PABPC4L: variants seen among roughly 807,000 people sequenced by gnomAD.
PABPC4L encodes polyadenylate-binding protein 4-like.
For synonymous variants in PABPC4L, 169 were observed against 164.1 expected (o/e 1.03, Z -0.23); for missense variants, 452 against 451.4 (o/e 1.00, Z -0.01).
At chr4:134,112,191 T>C in the PABPC4L span, among the ~76,000 whole-genome samples, 6 of 152,060 alleles carry the variant, frequency 3.9e-5, no homozygotes, top group South Asian at 1.2e-3. Flanking sequence ...CAAGTGAGAT[T>C]AGGCTAAAAA....
At chr4:134,063,039 A>G in the PABPC4L span, among the ~76,000 whole-genome samples, 1 of 152,140 alleles carries the variant, frequency 6.6e-6, no homozygotes, top group Non-Finnish European at 1.5e-5. Flanking sequence ...TAGACAAGCC[A>G]GACAAAATAT....
chr4:134,000,285 C>G, the PABPC4L span, among the ~76,000 whole-genome samples: 3 of 151,988 alleles, frequency 2.0e-5, no homozygotes, highest in African/African-American at 7.2e-5. Flanking sequence ...AGCAATGATT[C>G]GTCTAGAAAA....
At chr4:134,030,486 C>A in the PABPC4L span, among the ~76,000 whole-genome samples, 1 of 152,030 alleles carries the variant, frequency 6.6e-6, no homozygotes, top group Non-Finnish European at 1.5e-5. Context: ...GAAGAAATCA[C>A]ATATCAATCC....
At chr4:133,970,211 C>A in the PABPC4L span, among the ~76,000 whole-genome samples, 1 of 151,790 alleles carries the variant, frequency 6.6e-6, no homozygotes, top group Non-Finnish European at 1.5e-5. Flanking sequence ...CCTCCTTCGA[C>A]AAAAGTGACT....
chr4:134,037,420 G>C, the PABPC4L span, among the ~76,000 whole-genome samples: 2 of 152,036 alleles, frequency 1.3e-5, no homozygotes, highest in South Asian at 2.1e-4. Context: ...TTGTAAAAGG[G>C]ATTTATTCTT....
the PABPC4L span, among the ~76,000 whole-genome samples, chr4:134,036,795 C>T: frequency 1.1e-4 from 17 of 152,074 alleles, no homozygotes; most frequent in South Asian, 3.3e-3. Context: ...GTGGCTCATG[C>T]CTGTAATCCT....
At chr4:134,071,271 C>T in the PABPC4L span, among the ~76,000 whole-genome samples, 1 of 152,140 alleles carries the variant, frequency 6.6e-6, no homozygotes, top group Non-Finnish European at 1.5e-5. Flanking sequence ...CATCTGTGTC[C>T]TCCCTCTGTC....
chr4:133,963,074 G>C, the PABPC4L span, among the ~76,000 whole-genome samples: 1 of 152,054 alleles, frequency 6.6e-6, no homozygotes, highest in African/African-American at 2.4e-5. Flanking sequence ...TTCACCAACT[G>C]ACTATCTGCT....
chr4:133,953,596 T>G, the PABPC4L span, among the ~76,000 whole-genome samples: 1 of 152,212 alleles, frequency 6.6e-6, no homozygotes, highest in East Asian at 1.9e-4. Flanking sequence ...TTGCTGAATC[T>G]CAAATGCTTT....
At chr4:134,138,703 A>G in the PABPC4L span, among the ~76,000 whole-genome samples, 1 of 151,842 alleles carries the variant, frequency 6.6e-6, no homozygotes, top group Non-Finnish European at 1.5e-5. Flanking sequence ...TTAAACCCAT[A>G]CATGTGTAAG....
chr4:134,192,972 T>C (rs775446691), downstream of PABPC4L, among the ~76,000 whole-genome samples: 2 of 152,136 alleles, frequency 1.3e-5, no homozygotes, highest in African/African-American at 2.4e-5. Context: ...CATTAAGTTA[T>C]ATGCTTAAAA....
chr4:134,170,605 G>A, the PABPC4L span, among the ~76,000 whole-genome samples: 1 of 152,072 alleles, frequency 6.6e-6, no homozygotes, highest in Non-Finnish European at 1.5e-5. Context: ...ACAGGAGCCA[G>A]ATACAATGAG....
the PABPC4L span, among the ~76,000 whole-genome samples, chr4:134,130,390 T>A: frequency 6.6e-6 from 1 of 152,122 alleles, no homozygotes. Flanking sequence ...CATTCAAGGC[T>A]ATTATGAATG....
the PABPC4L span, among the ~76,000 whole-genome samples, chr4:134,105,197 G>C: frequency 1.3e-5 from 2 of 151,396 alleles, no homozygotes; most frequent in African/African-American, 2.4e-5. Context: ...TCAGATTCTG[G>C]AACATTTCTC....
chr4:134,129,397 G>A, the PABPC4L span, among the ~76,000 whole-genome samples: 4 of 151,838 alleles, frequency 2.6e-5, no homozygotes, highest in Non-Finnish European at 4.4e-5. Context: ...CACACAGAAC[G>A]TTCTCCAAGA....
chr4:134,022,564 T>G, the PABPC4L span, among the ~76,000 whole-genome samples: 2 of 152,004 alleles, frequency 1.3e-5, no homozygotes, highest in African/African-American at 4.8e-5. Flanking sequence ...CCTTAATTAT[T>G]AGTTTAGTTT....
the PABPC4L span, among the ~76,000 whole-genome samples, chr4:133,982,510 C>T: frequency 6.6e-6 from 1 of 151,922 alleles, no homozygotes; most frequent in Admixed American, 6.6e-5. Context: ...ATTCTTTTTG[C>T]AGTGGTTGAA....
the PABPC4L span, among the ~76,000 whole-genome samples, chr4:134,146,972 T>C: frequency 1.1e-4 from 16 of 152,132 alleles, no homozygotes; most frequent in Non-Finnish European, 1.3e-4. Flanking sequence ...CTTGTCTACT[T>C]AGGAATTTGT....
At position 134,200,069 on chromosome 4, in the gene PABPC4L, T is replaced by C; in HGVS notation, c.951A>G (p.Gly317=). ...EKLRNEFSSF[G]SISRVKVMQE... is the part of the protein sequence containing the mutation. Reference sequence around the variant, plus strand: ...GCATTACCTTAACTCTGCTAATTGATCCAAATGAAGAAAATTCGTTTCGTA... The same window carrying C: ...GCATTACCTTAACTCTGCTAATTGACCCAAATGAAGAAAATTCGTTTCGTA... The change falls in exon 2 of 2, where the codon GGA becomes GGG. Residue 317 remains glycine, a synonymous_variant. Transcript: ENST00000421491. The C allele has an allele frequency of 6.4e-7, 1 of 1,551,678 alleles. No individual in the cohort carries two copies. Among genetic ancestry groups the C allele is most frequent in the Non-Finnish European group, 8.7e-7 (1 of 1,146,972 alleles).
Sources: allele counts gnomAD v4.1 joint callset (sites outside exome capture counted in the v4.1 genomes callset), GRCh38; gene constraint gnomAD v4.1.1; transcripts MANE v1.5; gene names NCBI Gene and HGNC (gene_info 2026-07-23, HGNC 2026-07-21).